The following XIRP2 variants were observed in gnomAD, a reference collection of about 807,000 sequenced individuals.
XIRP2 encodes xin actin-binding repeat-containing protein 2.
In XIRP2, 236 loss-of-function variants were observed where a neutral mutation model predicts 277.0. The ratio of observed to expected loss-of-function variants is 0.85; its 90% CI spans 0.77 to 0.95. The LOEUF (loss-of-function observed/expected upper bound fraction) is 0.95, where lower values mean the gene tolerates loss of function less well. Ranked by LOEUF, XIRP2 falls within the 40% of genes least tolerant of loss-of-function variation. The pLI is 0.00. For synonymous variants in XIRP2, 1,490 were observed against 1,416.5 expected, an observed-to-expected ratio of 1.05 and a Z score of -1.17; for missense variants, 4,640 against 4,157.5, an observed-to-expected ratio of 1.12 and a Z score of -3.19.
intron 2 of XIRP2, among the ~76,000 whole-genome samples, chr2:167,027,479 A>G (rs1163248204): frequency 6.6e-6 from 1 of 151,904 alleles, no homozygotes; most frequent in Non-Finnish European, 1.5e-5. Context: ...GAGTAGTTTG[A>G]TTGTCTGAAG....
chr2:167,186,807 T>G (rs1291799526), intron 3 of XIRP2, among the ~76,000 whole-genome samples: 1 of 133,950 alleles, frequency 7.5e-6, no homozygotes, highest in Non-Finnish European at 1.6e-5. Context: ...TCTTCCTTGT[T>G]TTTTTTTTTT....
intron 2 of XIRP2, among the ~76,000 whole-genome samples, chr2:166,910,254 G>A (rs6757740): frequency 9.9e-5 from 15 of 151,968 alleles, no homozygotes; most frequent in African/African-American, 3.6e-4. Context: ...GACTTTTTTT[G>A]GTTGGTAGGC....
rs150386547 is a variant in XIRP2, at chr2:166,953,810, T to C, written c.408+49920T>C. On this transcript the variant is annotated intron_variant, in intron 2 of 10. Coordinates refer to ENST00000409195, the MANE Select transcript of XIRP2 (RefSeq NM_152381.6). ...GATATTATTTAGTCTCTCTAACATC[T>C]GTCTTCCTTCCTTCTTTCCTTCCTT... Among the ~76,000 whole-genome samples the C allele has an allele frequency of 4.4e-3, 668 of 152,084 alleles. 4 individuals are homozygous for C. Among genetic ancestry groups the C allele is most frequent in the African/African-American group, 0.015 (615 of 41,534 alleles).
chr2:166,908,067 G>C lies in XIRP2; in HGVS notation c.408+4177G>C, dbSNP rs7595219. On this transcript the variant is annotated intron_variant, in intron 2 of 10. Transcript: ENST00000409195. Reference sequence around the variant, plus strand: ...CTTTGCTATTGTGAATAGTGCCGCAGTAAACATATGTGTGCATATGTCTTT... The same window carrying C: ...CTTTGCTATTGTGAATAGTGCCGCACTAAACATATGTGTGCATATGTCTTT... Among the ~76,000 whole-genome samples the C allele has an allele frequency of 4.4e-3, 675 of 151,914 alleles. 3 individuals carry two copies. The highest frequency in any genetic ancestry group is 0.024 in the Middle Eastern group (7 of 292).
chr2:167,104,520 T>C (rs767425585), intron 2 of XIRP2, among the ~76,000 whole-genome samples: 1 of 152,140 alleles, frequency 6.6e-6, no homozygotes, highest in Non-Finnish European at 1.5e-5. Flanking sequence ...AATACTGGCC[T>C]GAACTGAATG....
At chr2:166,914,544 G>A (rs1451638279) in intron 2 of XIRP2, among the ~76,000 whole-genome samples, 1 of 152,028 alleles carries the variant, frequency 6.6e-6, no homozygotes, top group Admixed American at 6.5e-5. Context: ...ATTTCACCAT[G>A]TTAGCCAGGA....
At position 167,182,314 on chromosome 2, in the gene XIRP2, C is replaced by T. The variant is rs567002979; in HGVS notation, c.563-28421C>T. On this transcript the variant is annotated intron_variant, in intron 3 of 10. Transcript: ENST00000409195. ...ATATTCATATGTTTGCTCTTTAATTCTAAAAACCTTAGATGGGCCCCATTG... is the reference window on the plus strand; with the variant it reads ...ATATTCATATGTTTGCTCTTTAATTTTAAAAACCTTAGATGGGCCCCATTG... 5.6e-3 allele frequency among the ~76,000 whole-genome samples: 851 copies of T among 152,212 alleles called. 3 individuals carry two copies. The highest frequency in any genetic ancestry group is 0.027 in the Middle Eastern group (8 of 294).
chr2:166,969,811 T>C (rs1265439600), intron 2 of XIRP2, among the ~76,000 whole-genome samples: 1 of 151,852 alleles, frequency 6.6e-6, no homozygotes, highest in Admixed American at 6.6e-5. Context: ...AAATGTTAAA[T>C]GCAAAAGGTT....
At chr2:166,988,450 T>C (rs1553475852) in intron 2 of XIRP2, among the ~76,000 whole-genome samples, 1 of 150,632 alleles carries the variant, frequency 6.6e-6, no homozygotes, top group Non-Finnish European at 1.5e-5. Flanking sequence ...GGGAAAACTT[T>C]AGTTGGAGGA....
intron 2 of XIRP2, among the ~76,000 whole-genome samples, chr2:166,936,128 C>T (rs1685491635): frequency 6.6e-6 from 1 of 152,152 alleles, no homozygotes; most frequent in Non-Finnish European, 1.5e-5. Context: ...ATGGTTGTCT[C>T]ATTGTAGTTT....
intron 2 of XIRP2, among the ~76,000 whole-genome samples, chr2:167,027,878 C>G (rs573199471): frequency 6.6e-6 from 1 of 151,986 alleles, no homozygotes; most frequent in Admixed American, 6.6e-5. Flanking sequence ...CAAGTTAAAA[C>G]TTCAGGATCT....
At chr2:166,987,208 A>T (rs1194087643) in intron 2 of XIRP2, among the ~76,000 whole-genome samples, 1 of 152,224 alleles carries the variant, frequency 6.6e-6, no homozygotes, top group Non-Finnish European at 1.5e-5. Context: ...GGAATGGAAG[A>T]CTACCTGAGT....
At chr2:166,988,657 C>G (rs1353268738) in intron 2 of XIRP2, among the ~76,000 whole-genome samples, 2 of 118,858 alleles carry the variant, frequency 1.7e-5, no homozygotes, top group East Asian at 6.4e-4. Context: ...ACCTGGGAAG[C>G]GCAAGGGGTC....
At chr2:167,013,580 A>G (rs1382082605) in intron 2 of XIRP2, among the ~76,000 whole-genome samples, 1 of 151,554 alleles carries the variant, frequency 6.6e-6, no homozygotes, top group Non-Finnish European at 1.5e-5. Flanking sequence ...AAGTCCTAAA[A>G]TAATATAAAG....
intron 2 of XIRP2, among the ~76,000 whole-genome samples, chr2:167,098,976 T>C (rs2105283810): frequency 6.6e-6 from 1 of 152,304 alleles, no homozygotes; most frequent in South Asian, 2.1e-4. Context: ...ATGAGGTGTC[T>C]GTCGACCCCT....
chr2:167,163,857 T>C (rs1692446184), intron 3 of XIRP2, among the ~76,000 whole-genome samples: 1 of 152,230 alleles, frequency 6.6e-6, no homozygotes. Flanking sequence ...CAAGGTTCTT[T>C]TATTTCCGTG....
At chr2:166,928,515 T>C (rs1054178206) in intron 2 of XIRP2, among the ~76,000 whole-genome samples, 3 of 152,202 alleles carry the variant, frequency 2.0e-5, no homozygotes, top group African/African-American at 4.8e-5. Flanking sequence ...AAATTACTGA[T>C]GACTGATGAT....
intron 5 of XIRP2, among the ~76,000 whole-genome samples, chr2:167,235,240 A>G (rs1214162024): frequency 2.0e-5 from 3 of 151,754 alleles, no homozygotes; most frequent in Non-Finnish European, 4.4e-5. Flanking sequence ...ATATTTTTCC[A>G]TAGATGTTCT....
chr2:167,212,796 A>G (rs1694093277), intron 4 of XIRP2, among the ~76,000 whole-genome samples: 1 of 152,182 alleles, frequency 6.6e-6, no homozygotes, highest in Non-Finnish European at 1.5e-5. Flanking sequence ...AAAGAAGAGC[A>G]CATATATTAT....
Sources: gnomAD v4.1 joint callset for allele counts (sites outside exome capture counted in the v4.1 genomes callset) on GRCh38, gnomAD v4.1.1 for gene constraint, MANE v1.5 for transcripts, NCBI Gene and HGNC (gene_info 2026-07-23, HGNC 2026-07-21) for gene names.